Variants in PALM2AKAP2 observed in about 807,000 individuals in gnomAD.
The protein encoded by PALM2AKAP2 is PALM2-AKAP2 fusion protein.
Under a neutral mutation model 71.5 loss-of-function variants are expected in PALM2AKAP2, and 37 were observed. The ratio of observed to expected loss-of-function variants is 0.52; its 90% CI spans 0.40 to 0.68. The LOEUF is 0.68. PALM2AKAP2 is among the 30% of genes least tolerant of loss of function. PALM2AKAP2 has a pLI of 0.00. For missense variants in PALM2AKAP2, 1,224 were observed against 1,191.8 expected, an observed-to-expected ratio of 1.03 and a Z score of -0.40; for synonymous variants, 468 against 478.8, an observed-to-expected ratio of 0.98 and a Z score of 0.29.
intron 1 of PALM2AKAP2, among the ~76,000 whole-genome samples, chr9:109,713,151 A>G (rs529265965): frequency 6.6e-6 from 1 of 152,216 alleles, no homozygotes; most frequent in Non-Finnish European, 1.5e-5. Flanking sequence ...AATATATTTT[A>G]ACCATCTATC....
At chr9:109,893,954 C>T (rs891145355) in intron 3 of PALM2AKAP2, among the ~76,000 whole-genome samples, 5 of 149,848 alleles carry the variant, frequency 3.3e-5, no homozygotes, top group Non-Finnish European at 7.4e-5. Context: ...ACATCCTGCA[C>T]GTGTACCCCA....
chr9:110,022,695 A>G (rs1266064533), intron 7 of PALM2AKAP2, among the ~76,000 whole-genome samples: 2 of 151,962 alleles, frequency 1.3e-5, no homozygotes, highest in African/African-American at 2.4e-5. Context: ...GTCATTTAGC[A>G]TTAGGTGTAT....
At chr9:110,017,527 GAATGGGTGCCA>G (rs1205314548) in intron 7 of PALM2AKAP2, among the ~76,000 whole-genome samples, 1 of 152,192 alleles carries the variant, frequency 6.6e-6, no homozygotes, top group Admixed American at 6.5e-5. Flanking sequence ...GGACGAAGGG[GAATGGGTGCCA>G]ATAGTAAAAC....
chr9:110,071,624 A>G (rs1162922350), intron 1 of PALM2AKAP2, among the ~76,000 whole-genome samples: 1 of 152,198 alleles, frequency 6.6e-6, no homozygotes, highest in Non-Finnish European at 1.5e-5. Flanking sequence ...ATGAAGATCA[A>G]TTATTTTTCA....
Position 109,834,969 on chromosome 9 carries a change from A to C in PALM2AKAP2, c.46-32522A>C, listed in dbSNP as rs531961885. Among the ~76,000 whole-genome samples the C allele has an allele frequency of 2.6e-5, 4 of 152,208 alleles. No individual in the cohort carries two copies. In the South Asian group the frequency reaches 8.3e-4, roughly 32 times the overall value. On this transcript the variant is annotated intron_variant, in intron 1 of 9. Transcript: ENST00000302798. ...ATCTCAAAACTTTCAAGGATGAACA[A>C]TACTTCTCACACAAACACACCTTCT...
intron 2 of PALM2AKAP2, among the ~76,000 whole-genome samples, chr9:110,144,778 G>A (rs1345249943): frequency 6.6e-6 from 1 of 152,148 alleles, no homozygotes; most frequent in Non-Finnish European, 1.5e-5. Context: ...AATAAGTTAT[G>A]AAAAATCTTT....
intron 1 of PALM2AKAP2, among the ~76,000 whole-genome samples, chr9:109,839,176 G>C (rs1828579397): frequency 6.6e-6 from 1 of 152,166 alleles, no homozygotes; most frequent in South Asian, 2.1e-4. Context: ...ATATCAAAAA[G>C]CTTATCCACC....
chr9:109,863,514 T>A (rs531891005), intron 1 of PALM2AKAP2, among the ~76,000 whole-genome samples: 2 of 152,194 alleles, frequency 1.3e-5, no homozygotes, highest in African/African-American at 4.8e-5. Flanking sequence ...AGTATAGGGA[T>A]CTGCAGCTCA....
chr9:109,956,474 T>C (rs1029433550), intron 6 of PALM2AKAP2, among the ~76,000 whole-genome samples: 2 of 152,210 alleles, frequency 1.3e-5, no homozygotes, highest in Non-Finnish European at 2.9e-5. Context: ...TAGTGTGAAT[T>C]ATTCAGACTA....
intron 1 of PALM2AKAP2, among the ~76,000 whole-genome samples, chr9:109,783,630 C>A (rs1378760964): frequency 6.6e-6 from 1 of 152,164 alleles, no homozygotes; most frequent in Non-Finnish European, 1.5e-5. Context: ...CTTCCTTCAA[C>A]TGACTGAAAG....
intron 1 of PALM2AKAP2, among the ~76,000 whole-genome samples, chr9:109,693,129 C>A (rs1337954478): frequency 6.6e-6 from 1 of 151,878 alleles, no homozygotes; most frequent in East Asian, 1.9e-4. Flanking sequence ...GAGAATGTTT[C>A]CAATGCTGAA....
chr9:109,963,065 T>C (rs1228180422), intron 6 of PALM2AKAP2, among the ~76,000 whole-genome samples: 1 of 152,194 alleles, frequency 6.6e-6, no homozygotes, highest in African/African-American at 2.4e-5. Flanking sequence ...TTAGGAGTTA[T>C]GAGGACAGAC....
At chr9:110,010,430 A>T (rs2132316486) in intron 6 of PALM2AKAP2, among the ~76,000 whole-genome samples, 1 of 148,374 alleles carries the variant, frequency 6.7e-6, no homozygotes, top group Non-Finnish European at 1.5e-5. Flanking sequence ...TAGAGATAGA[A>T]TATACAATTA....
chr9:109,655,052 G>A (rs1827280238), intron 1 of PALM2AKAP2, among the ~76,000 whole-genome samples: 6 of 152,170 alleles, frequency 3.9e-5, no homozygotes, highest in Admixed American at 3.9e-4. Context: ...CACTTTGGGA[G>A]GCCGAGGCAG....
At chr9:109,775,970 G>T (rs1320363050), upstream of PALM2AKAP2, among the ~76,000 whole-genome samples, 1 of 152,184 alleles carries the variant, frequency 6.6e-6, no homozygotes, top group Non-Finnish European at 1.5e-5. Flanking sequence ...CGTACAGATG[G>T]TGTTTATGCA....
intron 1 of PALM2AKAP2, among the ~76,000 whole-genome samples, chr9:110,117,311 G>T (rs528883718): frequency 6.6e-6 from 1 of 152,094 alleles, no homozygotes; most frequent in Admixed American, 6.6e-5. Context: ...TTTTTGTAGA[G>T]ATGGGGTCCC....
intron 1 of PALM2AKAP2, among the ~76,000 whole-genome samples, chr9:109,824,798 G>C (rs1199129699): frequency 6.6e-6 from 1 of 152,176 alleles, no homozygotes; most frequent in Admixed American, 6.5e-5. Context: ...AGCTGTGTCT[G>C]CCATGTAGTT....
chr9:110,051,027 G>A (rs1588078539), intron 1 of PALM2AKAP2, among the ~76,000 whole-genome samples: 2 of 152,260 alleles, frequency 1.3e-5, no homozygotes, highest in South Asian at 2.1e-4. Flanking sequence ...CCTGAGCCAG[G>A]GACAACAAAA....
At chr9:109,698,359 C>A (rs955325952) in intron 1 of PALM2AKAP2, among the ~76,000 whole-genome samples, 1 of 150,030 alleles carries the variant, frequency 6.7e-6, no homozygotes, top group South Asian at 2.1e-4. Flanking sequence ...CTTGCAGCAA[C>A]CTCCGCCTCT....
Sources: allele counts gnomAD v4.1 joint callset (sites outside exome capture counted in the v4.1 genomes callset), GRCh38; gene constraint gnomAD v4.1.1; transcripts MANE v1.5; gene names NCBI Gene and HGNC (gene_info 2026-07-23, HGNC 2026-07-21).